The following SMOC2 variants were observed in gnomAD, a reference collection of about 807,000 sequenced individuals.
SMOC2 encodes the protein SPARC-related modular calcium-binding protein 2.
A neutral mutation model predicts 61.4 loss-of-function variants in SMOC2; 39 were observed. That is an observed-to-expected ratio of 0.64 (90% confidence interval 0.49 to 0.83). The LOEUF (loss-of-function observed/expected upper bound fraction) is 0.83, where lower values mean the gene tolerates loss of function less well. SMOC2 is among the 40% of genes least tolerant of loss of function. The pLI is 0.00. For missense variants in SMOC2, 556 were observed against 592.9 expected, an observed-to-expected ratio of 0.94 and a Z score of 0.65; for synonymous variants, 247 against 239.9, an observed-to-expected ratio of 1.03 and a Z score of -0.27.
rs187193560 is a variant in SMOC2, at chr6:168,544,614, A to G, written c.511+942A>G. The stretch of plus-strand genomic sequence containing the variant: ...CTTGAGCCCAGGAGATGGAGGTTGC[A>G]GTGAGCCGAGATCACGCCACTGCAC... On this transcript the variant is annotated intron_variant, in intron 5 of 12. Coordinates refer to ENST00000356284, the MANE Select transcript of SMOC2 (RefSeq NM_001166412.2). The surrounding 1 kb of genome is among the most constrained non-coding windows in gnomAD (Gnocchi z 4.1). Among the ~76,000 whole-genome samples the G allele has an allele frequency of 5.4e-3, 822 of 152,284 alleles. 8 individuals carry two copies. The highest frequency in any genetic ancestry group is 0.019 in the African/African-American group (782 of 41,564).
chr6:168,489,314 A>G (rs1270595597), intron 1 of SMOC2, among the ~76,000 whole-genome samples: 6 of 141,396 alleles, frequency 4.2e-5, no homozygotes, highest in African/African-American at 8.1e-5. Context: ...ATATCGAATC[A>G]TCTGGGTCCC....
chr6:168,619,069 C>T (rs1350774204), intron 9 of SMOC2, among the ~76,000 whole-genome samples: 4 of 152,172 alleles, frequency 2.6e-5, no homozygotes, highest in Non-Finnish European at 5.9e-5. Context: ...CAGCACGGAT[C>T]GGAGAACTTG....
chr6:168,520,407 C>T (rs1275817181), intron 2 of SMOC2, among the ~76,000 whole-genome samples: 1 of 152,210 alleles, frequency 6.6e-6, no homozygotes, highest in Non-Finnish European at 1.5e-5. Context: ...TGCCTGGCTG[C>T]CATTTGCTCG....
intron 9 of SMOC2, among the ~76,000 whole-genome samples, chr6:168,633,182 G>A (rs1171886059): frequency 6.6e-6 from 1 of 152,160 alleles, no homozygotes; most frequent in African/African-American, 2.4e-5. Flanking sequence ...AATAAACTTC[G>A]GAAAATTTGG....
chr6:168,443,008 G>A (rs1289736946), intron 1 of SMOC2, among the ~76,000 whole-genome samples: 2 of 152,182 alleles, frequency 1.3e-5, no homozygotes, highest in Non-Finnish European at 2.9e-5. Context: ...ATATACTCAC[G>A]TATACACTCA....
chr6:168,645,700 G>A (rs561070061), intron 9 of SMOC2, among the ~76,000 whole-genome samples: 11 of 152,238 alleles, frequency 7.2e-5, no homozygotes, highest in African/African-American at 1.7e-4. Context: ...CAGCAGACAC[G>A]GCACATGTTC....
intron 1 of SMOC2, among the ~76,000 whole-genome samples, chr6:168,478,051 G>A (rs191772047): frequency 6.6e-6 from 1 of 152,258 alleles, no homozygotes; most frequent in Non-Finnish European, 1.5e-5. Context: ...TTTGTTGTAA[G>A]GACCTAAGGC....
At chr6:168,592,235 T>A (rs11756535) in intron 7 of SMOC2, among the ~76,000 whole-genome samples, 28,728 of 145,508 alleles carry the variant, frequency 0.2, 3,595 homozygotes, top group South Asian at 0.26. Flanking sequence ...GTTCTCTTTT[T>A]CCTGCGCCCT....
At chr6:168,467,092 G>C (rs533208985) in intron 1 of SMOC2, among the ~76,000 whole-genome samples, 1 of 149,934 alleles carries the variant, frequency 6.7e-6, no homozygotes, top group Admixed American at 6.7e-5. Context: ...CACTTCTGCC[G>C]TCCAGACTGC....
chr6:168,523,605 TAGCC>T (rs1381195286), intron 2 of SMOC2, among the ~76,000 whole-genome samples: 1 of 151,594 alleles, frequency 6.6e-6, no homozygotes, highest in African/African-American at 2.4e-5. Context: ...TTCACCATGT[TAGCC>T]AGGATGGTCT....
At chr6:168,525,663 A>G (rs976071216) in intron 2 of SMOC2, among the ~76,000 whole-genome samples, 29 of 152,252 alleles carry the variant, frequency 1.9e-4, no homozygotes, top group Non-Finnish European at 3.5e-4. Flanking sequence ...CCTCTGGGGC[A>G]GAGGATGAGG....
rs1024170015 is a variant in SMOC2 at position 168,491,300 on chromosome 6, G to A, written c.85-18615G>A. ...AACTTTATTTTTATTAAAATCACAA[G>A]TTAACTCTCACAGGTGAAATTTTGG... is the stretch of plus-strand genomic sequence containing the variant. On this transcript the variant is annotated intron_variant, in intron 1 of 12. Coordinates refer to ENST00000356284, the MANE Select transcript of SMOC2 (RefSeq NM_001166412.2). Among the ~76,000 whole-genome samples the A allele has an allele frequency of 2.6e-5, 4 of 152,194 alleles. No individual in the cohort carries two copies. In the East Asian group the frequency reaches 5.8e-4, roughly 22 times the overall value.
At chr6:168,659,594 T>TTGGGTGAGGTTGGAGGTTGTAGGC in intron 11 of SMOC2, among the ~76,000 whole-genome samples, 1 of 10,078 alleles carries the variant, frequency 9.9e-5, no homozygotes, top group East Asian at 3.0e-3. Flanking sequence ...AGGTTGTAGG[T>TTGGGTGAGGTTGGAGGTTGTAGGC]TGGGTGAGGG....
intron 8 of SMOC2, 141 bp downstream of exon 8, chr6:168,599,145 A>C: frequency 4.1e-6 from 3 of 734,902 alleles, no homozygotes; most frequent in Non-Finnish European, 6.5e-6. Flanking sequence ...CTGATACCAC[A>C]CACATACCCA....
At chr6:168,518,393 TTG>T in intron 2 of SMOC2, among the ~76,000 whole-genome samples, 1 of 139,314 alleles carries the variant, frequency 7.2e-6, no homozygotes, top group East Asian at 2.0e-4. Context: ...GCATGTGTGA[TTG>T]TGTATGCTTG....
In SMOC2 at chr6:168,545,522, G is replaced by A. The variant is rs182569907; in HGVS notation, c.512-1597G>A. ...TTGTTTGTTGGGACAGAGCCACCCC[G>A]TCTGTGAGGGACGGGGGCATGGAGT... On this transcript the variant is annotated intron_variant, in intron 5 of 12. Transcript: ENST00000356284. Among the ~76,000 whole-genome samples the A allele has an allele frequency of 2.9e-4, 44 of 152,328 alleles. 1 individual carries two copies. Among genetic ancestry groups the A allele is most frequent in the African/African-American group, 1.0e-3 (42 of 41,582 alleles).
At chr6:168,589,197 A>G (rs1884473) in intron 7 of SMOC2, among the ~76,000 whole-genome samples, 32,286 of 152,144 alleles carry the variant, frequency 0.21, 3,805 homozygotes, top group South Asian at 0.28. Flanking sequence ...AATAGTTAAG[A>G]CCCCTTAGGG....
At chr6:168,628,559 C>A (rs1786479545) in intron 9 of SMOC2, among the ~76,000 whole-genome samples, 1 of 152,164 alleles carries the variant, frequency 6.6e-6, no homozygotes, top group South Asian at 2.1e-4. Flanking sequence ...GAGAAATAGT[C>A]TAAATTGGAA....
chr6:168,521,529 A>G (rs1356492451), intron 2 of SMOC2, among the ~76,000 whole-genome samples: 3 of 152,156 alleles, frequency 2.0e-5, no homozygotes, highest in African/African-American at 4.8e-5. Flanking sequence ...GAGATGAAAT[A>G]TCATCCAACA....
Sources: gnomAD v4.1 joint callset for allele counts (sites outside exome capture counted in the v4.1 genomes callset) on GRCh38, gnomAD v4.1.1 for gene constraint, Gnocchi (gnomAD v3.1) non-coding constraint, MANE v1.5 for transcripts, NCBI Gene and HGNC (gene_info 2026-07-23, HGNC 2026-07-21) for gene names.